PLXNA4: variants seen among roughly 807,000 people sequenced by gnomAD.
PLXNA4 encodes plexin A4.
A neutral mutation model predicts 191.8 loss-of-function variants in PLXNA4; 44 were observed. The ratio of observed to expected loss-of-function variants is 0.23; its 90% CI spans 0.18 to 0.29. The LOEUF (loss-of-function observed/expected upper bound fraction) is 0.29, where lower values mean the gene tolerates loss of function less well. Ranked by LOEUF, PLXNA4 falls within the 10% of genes least tolerant of loss-of-function variation. The pLI, the probability that PLXNA4 is intolerant of heterozygous loss-of-function variation, is 1.00. For missense variants in PLXNA4, 1,800 were observed against 2,488.8 expected (o/e 0.72, Z 5.89); for synonymous variants, 1,082 against 1,009.5 (o/e 1.07, Z -1.36).
At chr7:132,203,037 G>A (rs547606656) in intron 11 of PLXNA4, among the ~76,000 whole-genome samples, 2 of 152,278 alleles carry the variant, frequency 1.3e-5, no homozygotes, top group African/African-American at 4.8e-5. Context: ...GGGAAGCTCT[G>A]GGGTTCTCCG....
intron 1 of PLXNA4, among the ~76,000 whole-genome samples, chr7:132,533,443 A>G (rs1284255880): frequency 6.6e-6 from 1 of 152,202 alleles, no homozygotes; most frequent in Non-Finnish European, 1.5e-5. Flanking sequence ...GGTTCCCTGG[A>G]ATCCACAGAG....
At chr7:132,615,226 G>A (rs1563195410) in intron 2 of PLXNA4, among the ~76,000 whole-genome samples, 1 of 152,104 alleles carries the variant, frequency 6.6e-6, no homozygotes, top group Non-Finnish European at 1.5e-5. Context: ...GGGGGTTCGG[G>A]AGATGGCTGA....
chr7:132,355,777 G>C (rs935575938), intron 3 of PLXNA4, among the ~76,000 whole-genome samples: 11 of 152,006 alleles, frequency 7.2e-5, no homozygotes, highest in African/African-American at 2.2e-4. Context: ...AGGCTTTGGG[G>C]AGGGAGAGAG....
chr7:132,351,632 C>A (rs555262326), intron 3 of PLXNA4, among the ~76,000 whole-genome samples: 9 of 152,206 alleles, frequency 5.9e-5, no homozygotes, highest in African/African-American at 2.2e-4. Context: ...TTCTCCATTA[C>A]AATGGAAGGC....
At chr7:132,453,565 CAG>C (rs1392444617) in intron 3 of PLXNA4, among the ~76,000 whole-genome samples, 3 of 150,966 alleles carry the variant, frequency 2.0e-5, no homozygotes, top group Non-Finnish European at 4.4e-5. Flanking sequence ...TTTTTTCTTC[CAG>C]ACAGTCTCAG....
chr7:132,145,888 G>T, intron 28 of PLXNA4, among the ~76,000 whole-genome samples: 1 of 147,612 alleles, frequency 6.8e-6, no homozygotes, highest in Non-Finnish European at 1.5e-5. Flanking sequence ...TGGCCAACAT[G>T]GTGAAACCCC....
At chr7:132,408,460 ATTTAT>A (rs1238969528) in intron 3 of PLXNA4, among the ~76,000 whole-genome samples, 1 of 151,536 alleles carries the variant, frequency 6.6e-6, no homozygotes, top group Non-Finnish European at 1.5e-5. Context: ...TTATTTATTT[ATTTAT>A]TTATTTATTT....
chr7:132,376,470 T>G, intron 3 of PLXNA4, among the ~76,000 whole-genome samples: 1 of 152,214 alleles, frequency 6.6e-6, no homozygotes, highest in Admixed American at 6.5e-5. Context: ...AAGGATTGTT[T>G]TTTAAAGGCC....
At chr7:132,401,304 T>G (rs1793974252) in intron 3 of PLXNA4, among the ~76,000 whole-genome samples, 1 of 152,170 alleles carries the variant, frequency 6.6e-6, no homozygotes, top group Non-Finnish European at 1.5e-5. Flanking sequence ...AATTCACGAT[T>G]ATCTCAAAAG....
At chr7:132,200,764 T>C (rs1376095857) in intron 12 of PLXNA4, among the ~76,000 whole-genome samples, 3 of 152,174 alleles carry the variant, frequency 2.0e-5, no homozygotes, top group African/African-American at 2.4e-5. Context: ...GGGTATGAAG[T>C]CTCACCATTG....
chr7:132,625,453 T>A (rs780889230), intron 2 of PLXNA4, among the ~76,000 whole-genome samples: 2 of 152,196 alleles, frequency 1.3e-5, no homozygotes, highest in Admixed American at 6.5e-5. Flanking sequence ...GATATTCCCC[T>A]CTCTCTAGGT....
intron 1 of PLXNA4, among the ~76,000 whole-genome samples, chr7:132,531,697 T>A (rs564622460): frequency 2.6e-4 from 40 of 152,218 alleles, no homozygotes; most frequent in Non-Finnish European, 3.5e-4. Context: ...TTTCGAGTGC[T>A]GTGACAAGCA....
chr7:132,391,823 A>G (rs1266749292), intron 3 of PLXNA4, among the ~76,000 whole-genome samples: 3 of 152,186 alleles, frequency 2.0e-5, no homozygotes, highest in Non-Finnish European at 2.9e-5. Flanking sequence ...GCTCTGGAGC[A>G]TGAATAAAAG....
At chr7:132,609,699 G>C (rs1435407381) in intron 2 of PLXNA4, among the ~76,000 whole-genome samples, 2 of 152,232 alleles carry the variant, frequency 1.3e-5, no homozygotes, top group Non-Finnish European at 2.9e-5. Flanking sequence ...AGACCACACA[G>C]CTAGTAAGTA....
At chr7:132,213,057 G>A (rs889719313) in intron 9 of PLXNA4, among the ~76,000 whole-genome samples, 3 of 152,206 alleles carry the variant, frequency 2.0e-5, no homozygotes, top group African/African-American at 7.2e-5. Context: ...TTCATACAAT[G>A]GAATATTACT....
intron 9 of PLXNA4, among the ~76,000 whole-genome samples, chr7:132,212,689 GGAGA>G (rs1205710131): frequency 2.0e-5 from 3 of 152,166 alleles, no homozygotes; most frequent in Non-Finnish European, 4.4e-5. Flanking sequence ...AGCAAGAAAG[GGAGA>G]GAGAAAGCTA....
At chr7:132,470,253 C>A (rs759338925) in intron 3 of PLXNA4, among the ~76,000 whole-genome samples, 13 of 152,178 alleles carry the variant, frequency 8.5e-5, no homozygotes, top group Non-Finnish European at 7.3e-5. Flanking sequence ...GTTCACTGGG[C>A]TCAGAAACAA....
intron 3 of PLXNA4, among the ~76,000 whole-genome samples, chr7:132,476,772 C>T (rs547190772): frequency 3.6e-4 from 55 of 152,270 alleles, no homozygotes; most frequent in African/African-American, 1.0e-3. Flanking sequence ...AGAAATGCTT[C>T]CATAAATTTG....
chr7:132,174,713 G>A, intron 21 of PLXNA4, 65 bp downstream of exon 21: 1 of 1,583,164 alleles, frequency 6.3e-7, no homozygotes, highest in Non-Finnish European at 8.6e-7. Context: ...GAAAGAAGGG[G>A]CTGGACTTGA....
Sources: gnomAD v4.1 joint callset for allele counts (sites outside exome capture counted in the v4.1 genomes callset) on GRCh38, gnomAD v4.1.1 for gene constraint, MANE v1.5 for transcripts, NCBI Gene and HGNC (gene_info 2026-07-23, HGNC 2026-07-21) for gene names.